Variants in ZNF431 observed in about 807,000 individuals in gnomAD.
ZNF431 encodes zinc finger protein 431.
ZNF431 carries 34 observed loss-of-function variants against 57.0 expected under a neutral mutation model. The ratio of observed to expected loss-of-function variants is 0.60; its 90% CI spans 0.45 to 0.79. The LOEUF is 0.79. Among genes scored for constraint, ZNF431 ranks in the 30% least tolerant of loss-of-function variants. ZNF431 has a pLI of 0.00. For synonymous variants in ZNF431, 207 were observed against 220.3 expected, an observed-to-expected ratio of 0.94 and a Z score of 0.54; for missense variants, 607 against 667.1, an observed-to-expected ratio of 0.91 and a Z score of 0.99.
chr19:21,162,653 G>A lies in ZNF431; in HGVS notation c.97-3682G>A, dbSNP rs934826518. 1.7e-5 allele frequency: 16 copies of A among 927,368 alleles called. No homozygotes were observed. In the Admixed American group the frequency reaches 8.7e-4, roughly 50 times the overall value. The allele number at this position is 927,368 out of a possible 1,614,324, so 57.4% of individuals were successfully genotyped here. A position where few individuals can be genotyped will look rare whatever the true frequency, so the allele number is the denominator to read the frequency against. On this transcript the variant is annotated intron_variant, in intron 2 of 4. Coordinates refer to ENST00000311048, the MANE Select transcript of ZNF431 (RefSeq NM_133473.4). ...TATTTAGGTCTGGCCCCACCCTGGAGTCTTGCATCACAAAGCTGATTTAAA... is the reference window on the plus strand; with the variant it reads ...TATTTAGGTCTGGCCCCACCCTGGAATCTTGCATCACAAAGCTGATTTAAA...
At chr19:21,166,924 G>A (rs959139191) in intron 3 of ZNF431, among the ~76,000 whole-genome samples, 1 of 152,070 alleles carries the variant, frequency 6.6e-6, no homozygotes, top group Non-Finnish European at 1.5e-5. Flanking sequence ...GTGCAATGGT[G>A]CGATCTTGGC....
At chr19:21,146,072 A>G (rs1343624973) in intron 2 of ZNF431, among the ~76,000 whole-genome samples, 1 of 152,214 alleles carries the variant, frequency 6.6e-6, no homozygotes, top group Admixed American at 6.5e-5. Context: ...GAAAATGTGC[A>G]GAGTTCTACC....
At chr19:21,178,671 G>A (rs541168404) in intron 4 of ZNF431, among the ~76,000 whole-genome samples, 55 of 152,138 alleles carry the variant, frequency 3.6e-4, no homozygotes, top group African/African-American at 1.1e-3. Context: ...ATCAATTTTT[G>A]TATGTTGAAC....
chr19:21,153,897 G>A (rs1443819063), intron 2 of ZNF431, among the ~76,000 whole-genome samples: 1 of 152,132 alleles, frequency 6.6e-6, no homozygotes, highest in Non-Finnish European at 1.5e-5. Context: ...TGTATTTTTA[G>A]TAGAGACGGG....
intron 4 of ZNF431, chr19:21,175,581 C>G: frequency 5.6e-6 from 3 of 539,302 alleles, no homozygotes; most frequent in Non-Finnish European, 9.8e-6. Flanking sequence ...GATTCTCTCC[C>G]TCCCCGTGAC....
intron 4 of ZNF431, among the ~76,000 whole-genome samples, chr19:21,169,351 T>C (rs562273063): frequency 3.9e-5 from 6 of 152,330 alleles, no homozygotes; most frequent in East Asian, 1.9e-4. Flanking sequence ...TTGTGCCACA[T>C]ACTTTCAGTG....
chr19:21,154,846 T>C (rs1293693712), intron 2 of ZNF431, among the ~76,000 whole-genome samples: 3 of 151,790 alleles, frequency 2.0e-5, no homozygotes, highest in Non-Finnish European at 4.4e-5. Context: ...TCATATCCTT[T>C]GCCCACTTGT....
chr19:21,182,289 T>C (rs1162249199), intron 4 of ZNF431, among the ~76,000 whole-genome samples: 1 of 152,206 alleles, frequency 6.6e-6, no homozygotes, highest in Non-Finnish European at 1.5e-5. Flanking sequence ...AAGTTAGCAA[T>C]TTACTTTGAA....
rs544854054 is a variant in ZNF431 at position 21,163,536 on chromosome 19, T to C, written c.97-2799T>C. 1.6e-3 allele frequency among the ~76,000 whole-genome samples: 251 copies of C among 152,338 alleles called. 2 individuals carry two copies. The Middle Eastern group carries it at 0.061, about 37-fold the overall frequency. On this transcript the variant is annotated intron_variant, in intron 2 of 4. Coordinates refer to ENST00000311048, the MANE Select transcript of ZNF431 (RefSeq NM_133473.4). ...AAAATTCCCAAGTAATGTTGGTTTTTTTTGAGACGGAGTCTCGCTCTGTCA... is the reference window on the plus strand; with the variant it reads ...AAAATTCCCAAGTAATGTTGGTTTTCTTTGAGACGGAGTCTCGCTCTGTCA...
At position 21,194,337 on chromosome 19, in the gene ZNF431, T is replaced by G. The variant is rs1055389336; in HGVS notation, c.*10303T>G. On this transcript the variant is annotated 3_prime_UTR_variant, in exon 5 of 5. Coordinates refer to ENST00000311048, the MANE Select transcript of ZNF431 (RefSeq NM_133473.4). The stretch of plus-strand genomic sequence containing the variant: ...TATCTCTACAAGAACTAGAAAACAT[T>G]ACTGAAAGTAATCAGAGACAATTCA... The G allele has an allele frequency of 7.9e-5, 12 of 152,270 alleles. No individual in the cohort carries two copies. Among genetic ancestry groups the G allele is most frequent in the African/African-American group, 2.9e-4 (12 of 41,562 alleles). The allele number at this position is 152,270 out of a possible 1,614,324, so 9.4% of individuals were successfully genotyped here. A position where few individuals can be genotyped will look rare whatever the true frequency, so the allele number is the denominator to read the frequency against.
chr19:21,167,579 G>C lies in ZNF431; in HGVS notation c.232G>C (p.Val78Leu). ...YKNLVFLGVA[V>L]SKQDPVTCLE... ...TATTTTTAATAAAGCAGGTGTTGCTGTCTCTAAGCAAGACCCAGTCACCTG... is the reference window on the plus strand; with the variant it reads ...TATTTTTAATAAAGCAGGTGTTGCTCTCTCTAAGCAAGACCCAGTCACCTG... The change falls in exon 4 of 5, where the codon GTC becomes CTC. Residue 78 changes from valine (V) to leucine (L), a missense_variant. Coordinates refer to ENST00000311048, the MANE Select transcript of ZNF431 (RefSeq NM_133473.4). The C allele has an allele frequency of 6.4e-7, 1 of 1,565,016 alleles. No individual in the cohort carries two copies. Among genetic ancestry groups the C allele is most frequent in the South Asian group, 1.2e-5 (1 of 85,380 alleles).
Position 21,194,422 on chromosome 19 carries a change from C to T in ZNF431, c.*10388C>T, listed in dbSNP as rs1283928770. ...AATGAATAGAAAATGTCTATGCTGCCTAGAGCAGCCTACAAAATAAGTTTT... is the reference window on the plus strand; with the variant it reads ...AATGAATAGAAAATGTCTATGCTGCTTAGAGCAGCCTACAAAATAAGTTTT... On this transcript the variant is annotated 3_prime_UTR_variant, in exon 5 of 5. Coordinates refer to ENST00000311048, the MANE Select transcript of ZNF431 (RefSeq NM_133473.4). The T allele has an allele frequency of 3.3e-5, 5 of 151,614 alleles. No homozygotes were observed. The South Asian group carries it at 8.3e-4, about 25-fold the overall frequency. The allele number at this position is 151,614 out of a possible 1,614,324, so 9.4% of individuals were successfully genotyped here. A position where few individuals can be genotyped will look rare whatever the true frequency, so the allele number is the denominator to read the frequency against.
chr19:21,155,992 C>G (rs1970405730), intron 2 of ZNF431, among the ~76,000 whole-genome samples: 1 of 152,138 alleles, frequency 6.6e-6, no homozygotes, highest in Non-Finnish European at 1.5e-5. Flanking sequence ...GACAGACCCC[C>G]TTTTCACAAA....
rs1053180136 is a variant in ZNF431 at position 21,151,388 on chromosome 19, T to G, written c.96+7745T>G. Among the ~76,000 whole-genome samples, 3 of 152,234 alleles carry G rather than the reference T, an allele frequency of 2.0e-5. No homozygotes were observed. In the South Asian group the frequency reaches 6.2e-4, roughly 32 times the overall value. On this transcript the variant is annotated intron_variant, in intron 2 of 4. Transcript: ENST00000311048. ...CTTTTAAAAAGTCCTTTTAAATTTC[T>G]TATTACCAGACTTTATTCAGGTCAA...
At chr19:21,178,910 T>C (rs899977017) in intron 4 of ZNF431, among the ~76,000 whole-genome samples, 3 of 152,046 alleles carry the variant, frequency 2.0e-5, no homozygotes, top group African/African-American at 7.2e-5. Flanking sequence ...GAGAGGCCCC[T>C]CCTTTTCCAT....
At chr19:21,151,013 A>G (rs1371244115) in intron 2 of ZNF431, 1 of 151,864 alleles carries the variant, frequency 6.6e-6, no homozygotes, top group Non-Finnish European at 1.5e-5. Context: ...GAGCTTGAAT[A>G]TCTGCTGTAC....
intron 2 of ZNF431, among the ~76,000 whole-genome samples, chr19:21,146,138 A>G (rs1292558469): frequency 2.0e-5 from 3 of 152,180 alleles, no homozygotes; most frequent in Non-Finnish European, 2.9e-5. Flanking sequence ...TGCTCAAGAA[A>G]AAATTCAGGG....
At position 21,193,305 on chromosome 19, in the gene ZNF431, G is replaced by A. The variant is rs771444960; in HGVS notation, c.*9271G>A. ...GCACTTTGGAAGGCCGAGGTGGGCGGGTCACCTGAGGTCGGGAGTTTGAGA... is the reference window on the plus strand; with the variant it reads ...GCACTTTGGAAGGCCGAGGTGGGCGAGTCACCTGAGGTCGGGAGTTTGAGA... On this transcript the variant is annotated 3_prime_UTR_variant, in exon 5 of 5. Transcript: ENST00000311048. The A allele has an allele frequency of 2.6e-5, 4 of 152,226 alleles. No homozygotes were observed. Among genetic ancestry groups the A allele is most frequent in the Non-Finnish European group, 4.4e-5 (3 of 68,070 alleles). 9.4% of individuals were successfully genotyped at this position (152,226 alleles called of 1,614,324 possible). A position where few individuals can be genotyped will look rare whatever the true frequency, so the allele number is the denominator to read the frequency against.
chr19:21,168,813 C>G (rs1308413945), intron 4 of ZNF431, among the ~76,000 whole-genome samples: 1 of 152,026 alleles, frequency 6.6e-6, no homozygotes, highest in South Asian at 2.1e-4. Context: ...TTTTCTTCCT[C>G]TATTGTATCA....
Sources: allele counts gnomAD v4.1 joint callset (sites outside exome capture counted in the v4.1 genomes callset), GRCh38; gene constraint gnomAD v4.1.1; transcripts MANE v1.5; gene names NCBI Gene and HGNC (gene_info 2026-07-23, HGNC 2026-07-21).